The following ZMIZ1 variants were observed in gnomAD, a reference collection of about 807,000 sequenced individuals.
The protein encoded by ZMIZ1 is zinc finger MIZ-type containing 1.
A neutral mutation model predicts 113.9 loss-of-function variants in ZMIZ1; 17 were observed. That is an observed-to-expected ratio of 0.15 (90% CI 0.10 to 0.22). The LOEUF (loss-of-function observed/expected upper bound fraction) is 0.22, where lower values mean the gene tolerates loss of function less well. Ranked by LOEUF, ZMIZ1 falls within the 10% of genes least tolerant of loss-of-function variation. The pLI is 1.00. For missense variants in ZMIZ1, 1,059 were observed against 1,477.8 expected, an observed-to-expected ratio of 0.72 and a Z score of 4.65; for synonymous variants, 607 against 603.1, an observed-to-expected ratio of 1.01 and a Z score of -0.09.
intron 7 of ZMIZ1, among the ~76,000 whole-genome samples, chr10:79,270,859 A>G (rs1050810340): frequency 1.3e-5 from 2 of 152,094 alleles, no homozygotes; most frequent in Non-Finnish European, 2.9e-5. Flanking sequence ...ATCCTGGGGA[A>G]CTGTCCCCAC....
At chr10:79,260,843 C>T (rs1041298611) in intron 7 of ZMIZ1, among the ~76,000 whole-genome samples, 2 of 152,180 alleles carry the variant, frequency 1.3e-5, no homozygotes, top group South Asian at 2.1e-4. Context: ...CTGCTGTTTT[C>T]GCTGGTTGTC....
At chr10:79,106,187 T>A (rs941190189) in intron 1 of ZMIZ1, among the ~76,000 whole-genome samples, 6 of 152,100 alleles carry the variant, frequency 3.9e-5, no homozygotes, top group Non-Finnish European at 8.8e-5. Context: ...AAACTGAGGG[T>A]CTAAGCTTGA....
At chr10:79,298,969 G>C in intron 15 of ZMIZ1, 81 bp from the exon 16 acceptor site, 1 of 1,516,222 alleles carries the variant, frequency 6.6e-7, no homozygotes. Context: ...ATGCAGCCCA[G>C]GGTGAGCAAG....
At chr10:79,291,801 C>T (rs185219619) in intron 10 of ZMIZ1, among the ~76,000 whole-genome samples, 1 of 152,354 alleles carries the variant, frequency 6.6e-6, no homozygotes, top group East Asian at 1.9e-4. Context: ...GCTATATGAC[C>T]TGGTGGTTAA....
intron 4 of ZMIZ1, among the ~76,000 whole-genome samples, chr10:79,176,602 A>G (rs1043960298): frequency 6.6e-6 from 1 of 150,676 alleles, no homozygotes; most frequent in East Asian, 1.9e-4. Context: ...AGCATTGCTC[A>G]GTTTACCGAG....
chr10:79,224,159 A>T (rs1564535070), intron 7 of ZMIZ1, among the ~76,000 whole-genome samples: 1 of 152,244 alleles, frequency 6.6e-6, no homozygotes, highest in Non-Finnish European at 1.5e-5. Flanking sequence ...GATCCCAGCC[A>T]GGTGCAAAAA....
chr10:79,217,696 G>A (rs888519098), intron 7 of ZMIZ1, among the ~76,000 whole-genome samples: 9 of 152,272 alleles, frequency 5.9e-5, no homozygotes, highest in African/African-American at 1.9e-4. Context: ...GTGAGTTTGC[G>A]CCTCTTTCCA....
chr10:79,186,201 C>A (rs1368842736), intron 4 of ZMIZ1, among the ~76,000 whole-genome samples: 1 of 152,220 alleles, frequency 6.6e-6, no homozygotes, highest in Non-Finnish European at 1.5e-5. Flanking sequence ...TGGATCCTGT[C>A]CAAGCCCTCC....
chr10:79,147,383 G>A (rs1414626301), intron 3 of ZMIZ1, among the ~76,000 whole-genome samples: 2 of 152,210 alleles, frequency 1.3e-5, no homozygotes, highest in East Asian at 3.9e-4. Context: ...CCTCACCAGA[G>A]AAAGGGACAC....
intron 1 of ZMIZ1, among the ~76,000 whole-genome samples, chr10:79,106,494 C>T (rs560202165): frequency 3.3e-5 from 5 of 152,328 alleles, no homozygotes; most frequent in South Asian, 2.1e-4. Context: ...TATGCTCCCC[C>T]AAGCCTGTGG....
At position 79,306,095 on chromosome 10, in the gene ZMIZ1, C is replaced by T. The variant is rs542303332; in HGVS notation, c.2424-5C>T. Reference sequence around the variant, plus strand: ...GCCTCAGCTCTGCCACCCTTCCTCCCCCAGCTCCGAGTTTGAAGAGGTCAC... The same window carrying T: ...GCCTCAGCTCTGCCACCCTTCCTCCTCCAGCTCCGAGTTTGAAGAGGTCAC... On this transcript the variant is annotated splice_region_variant and splice_polypyrimidine_tract_variant and intron_variant, in intron 21 of 24. Transcript: ENST00000334512. 7 of 1,609,798 alleles carry T rather than the reference C, an allele frequency of 4.3e-6. No individual in the cohort carries two copies. The Admixed American group carries it at 5.0e-5, about 12-fold the overall frequency.
intron 7 of ZMIZ1, among the ~76,000 whole-genome samples, chr10:79,261,134 C>G (rs1471691524): frequency 1.3e-5 from 2 of 152,202 alleles, no homozygotes; most frequent in Admixed American, 6.5e-5. Flanking sequence ...TGGATGTGCT[C>G]CAGACCCCCA....
intron 8 of ZMIZ1, among the ~76,000 whole-genome samples, chr10:79,289,170 A>G (rs1853296863): frequency 6.6e-6 from 1 of 151,598 alleles, no homozygotes; most frequent in Non-Finnish European, 1.5e-5. Context: ...TGTACATGAG[A>G]GATCGGGGTG....
intron 3 of ZMIZ1, among the ~76,000 whole-genome samples, chr10:79,160,561 T>C (rs1846071396): frequency 6.6e-6 from 1 of 152,224 alleles, no homozygotes; most frequent in Non-Finnish European, 1.5e-5. Context: ...GAGGGAGGCT[T>C]AAGAAACGTG....
intron 16 of ZMIZ1, among the ~76,000 whole-genome samples, chr10:79,300,014 A>T (rs1017030976): frequency 6.6e-6 from 1 of 151,666 alleles, no homozygotes; most frequent in Admixed American, 6.5e-5. Flanking sequence ...ACATGCACAC[A>T]CACCCCTGCT....
intron 8 of ZMIZ1, among the ~76,000 whole-genome samples, chr10:79,280,360 G>A (rs989938954): frequency 3.9e-5 from 6 of 152,026 alleles, no homozygotes; most frequent in African/African-American, 9.7e-5. Context: ...CTGCAGCCTC[G>A]ACCTCCTTGG....
intron 1 of ZMIZ1, among the ~76,000 whole-genome samples, chr10:79,092,224 C>A (rs1372084711): frequency 1.3e-5 from 2 of 152,214 alleles, no homozygotes; most frequent in East Asian, 3.9e-4. Context: ...GCTGGAGACA[C>A]AGGGAGGGGA....
At chr10:79,288,045 G>T (rs978167466) in intron 8 of ZMIZ1, among the ~76,000 whole-genome samples, 1 of 152,220 alleles carries the variant, frequency 6.6e-6, no homozygotes, top group Non-Finnish European at 1.5e-5. Flanking sequence ...GGAAGAAAGC[G>T]AGGGGCTGGC....
chr10:79,195,396 G>T (rs1426974549), intron 4 of ZMIZ1, among the ~76,000 whole-genome samples: 1 of 152,246 alleles, frequency 6.6e-6, no homozygotes, highest in Non-Finnish European at 1.5e-5. Context: ...GGGGTAGCCT[G>T]CTTGGTCTCA....
Sources: allele counts gnomAD v4.1 joint callset (sites outside exome capture counted in the v4.1 genomes callset), GRCh38; gene constraint gnomAD v4.1.1; transcripts MANE v1.5; gene names NCBI Gene and HGNC (gene_info 2026-07-23, HGNC 2026-07-21).